PIK3C2G: variants seen among roughly 807,000 people sequenced by gnomAD.
PIK3C2G encodes phosphatidylinositol 3-kinase C2 domain-containing subunit gamma.
Under a neutral mutation model 181.1 loss-of-function variants are expected in PIK3C2G, and 168 were observed. That is an observed-to-expected ratio of 0.93 (90% CI 0.82 to 1.05). PIK3C2G has a LOEUF of 1.05. PIK3C2G is among the 50% of genes least tolerant of loss of function. The pLI is 0.00. For synonymous variants in PIK3C2G, 573 were observed against 592.2 expected, an observed-to-expected ratio of 0.97 and a Z score of 0.47; for missense variants, 1,869 against 1,732.8, an observed-to-expected ratio of 1.08 and a Z score of -1.40.
chr12:18,306,916 C>A (rs1950444245), intron 5 of PIK3C2G, among the ~76,000 whole-genome samples: 1 of 151,708 alleles, frequency 6.6e-6, no homozygotes. Context: ...TCTGTGACTA[C>A]TTCTTACATG....
upstream of PIK3C2G, among the ~76,000 whole-genome samples, chr12:18,257,732 G>A (rs73056481): frequency 8.9e-4 from 74 of 82,910 alleles, 1 homozygote; most frequent in African/African-American, 1.8e-3. Flanking sequence ...GAAGGAAGGA[G>A]GGAGGGAAGG....
chr12:18,562,956 C>A, intron 27 of PIK3C2G, 64 bp downstream of exon 27: 1 of 1,036,744 alleles, frequency 9.6e-7, no homozygotes, highest in Non-Finnish European at 1.5e-6. Flanking sequence ...CTTCTCTTCA[C>A]TATGCTACAC....
chr12:18,343,381 A>C (rs897727298), intron 10 of PIK3C2G, 21 bp downstream of exon 10: 32 of 1,233,296 alleles, frequency 2.6e-5, no homozygotes, highest in Non-Finnish European at 3.5e-5. Flanking sequence ...CATGTACTCA[A>C]GTATTTTGAA....
intron 15 of PIK3C2G, among the ~76,000 whole-genome samples, chr12:18,397,387 G>A (rs778417929): frequency 1.9e-4 from 29 of 151,950 alleles, no homozygotes; most frequent in Admixed American, 5.9e-4. Flanking sequence ...AGAAAAATAT[G>A]TGCAAAACAT....
intron 1 of PIK3C2G, among the ~76,000 whole-genome samples, chr12:18,265,481 T>C (rs187280352): frequency 1.3e-5 from 2 of 152,148 alleles, no homozygotes; most frequent in Admixed American, 6.6e-5. Context: ...CATTAATTCA[T>C]CTTAAAACAC....
chr12:18,565,953 C>CCTAT (rs767219278), intron 28 of PIK3C2G, among the ~76,000 whole-genome samples: 1 of 152,082 alleles, frequency 6.6e-6, no homozygotes, highest in South Asian at 2.1e-4. Context: ...TCTCTACCTA[C>CCTAT]CTATCTATCT....
At chr12:18,693,492 T>C in the PIK3C2G span, 2 of 1,609,764 alleles carry the variant, frequency 1.2e-6, no homozygotes, top group Non-Finnish European at 1.7e-6. Context: ...GCCAAAGCAG[T>C]AGCAAACCAA....
intron 31 of PIK3C2G, among the ~76,000 whole-genome samples, chr12:18,639,310 A>G (rs910567517): frequency 6.6e-6 from 1 of 152,134 alleles, no homozygotes; most frequent in African/African-American, 2.4e-5. Flanking sequence ...CTGAAGAAAG[A>G]TGTGAAATTA....
At chr12:18,254,371 T>C (rs1458497936) in intron 1 of PIK3C2G, among the ~76,000 whole-genome samples, 1 of 152,136 alleles carries the variant, frequency 6.6e-6, no homozygotes, top group Non-Finnish European at 1.5e-5. Context: ...ATCTCGAAGA[T>C]GTGAATCTGT....
chr12:18,624,400 G>T (rs559696333), intron 31 of PIK3C2G, among the ~76,000 whole-genome samples: 1 of 151,740 alleles, frequency 6.6e-6, no homozygotes, highest in African/African-American at 2.4e-5. Context: ...CGTCGTCAAT[G>T]ATCCTTTTAA....
At chr12:18,625,077 T>C (rs1304670198) in intron 31 of PIK3C2G, among the ~76,000 whole-genome samples, 1 of 151,704 alleles carries the variant, frequency 6.6e-6, no homozygotes, top group Non-Finnish European at 1.5e-5. Context: ...GGGCTTAATT[T>C]GTTTGCTTTT....
intron 31 of PIK3C2G, among the ~76,000 whole-genome samples, chr12:18,617,105 T>C (rs1948639387): frequency 6.6e-6 from 1 of 152,140 alleles, no homozygotes; most frequent in Non-Finnish European, 1.5e-5. Context: ...TTCTTTCTCC[T>C]GCTTTATGCT....
upstream of PIK3C2G, among the ~76,000 whole-genome samples, chr12:18,246,925 T>C (rs1192184256): frequency 1.3e-5 from 2 of 150,406 alleles, no homozygotes; most frequent in African/African-American, 2.5e-5. Flanking sequence ...CAAGAGGCTA[T>C]TATAACGAGA....
intron 5 of PIK3C2G, 151 bp from the exon 6 acceptor site, chr12:18,313,811 C>T: frequency 6.3e-6 from 3 of 474,348 alleles, no homozygotes; most frequent in Non-Finnish European, 1.1e-5. Context: ...TATTCACACA[C>T]ACACACACAC....
At chr12:18,662,963 G>C in the PIK3C2G span, among the ~76,000 whole-genome samples, 1 of 152,008 alleles carries the variant, frequency 6.6e-6, no homozygotes, top group African/African-American at 2.4e-5. Flanking sequence ...AAGCTATAAG[G>C]CATGTAGAAA....
chr12:18,303,222 CTTCT>C (rs1343882076), intron 5 of PIK3C2G, among the ~76,000 whole-genome samples: 3 of 133,708 alleles, frequency 2.2e-5, no homozygotes, highest in South Asian at 2.3e-4. Context: ...CTTTTCTTTC[CTTCT>C]TTCTCTCTTT....
intron 11 of PIK3C2G, among the ~76,000 whole-genome samples, chr12:18,357,261 T>G (rs964389913): frequency 1.3e-5 from 2 of 152,108 alleles, no homozygotes; most frequent in South Asian, 4.1e-4. Flanking sequence ...CTTATTAAGA[T>G]TTTTTACAAG....
intron 30 of PIK3C2G, among the ~76,000 whole-genome samples, chr12:18,596,704 T>A (rs1020412901): frequency 3.9e-5 from 6 of 152,250 alleles, no homozygotes; most frequent in African/African-American, 1.2e-4. Flanking sequence ...CATTACCTCG[T>A]ATCACTACCT....
At chr12:18,637,862 C>G (rs1949672959) in intron 31 of PIK3C2G, among the ~76,000 whole-genome samples, 1 of 152,220 alleles carries the variant, frequency 6.6e-6, no homozygotes, top group African/African-American at 2.4e-5. Context: ...CAGGTCCAGC[C>G]TGTCCACCTT....
Sources: gnomAD v4.1 joint callset for allele counts (sites outside exome capture counted in the v4.1 genomes callset) on GRCh38, gnomAD v4.1.1 for gene constraint, MANE v1.5 for transcripts, NCBI Gene and HGNC (gene_info 2026-07-23, HGNC 2026-07-21) for gene names.